BBS9: variants seen among roughly 807,000 people sequenced by gnomAD.
BBS9 encodes protein PTHB1.
BBS9 carries 89 observed loss-of-function variants against 117.7 expected under a neutral mutation model. The ratio of observed to expected loss-of-function variants is 0.76; its 90% CI spans 0.64 to 0.90. The LOEUF (loss-of-function observed/expected upper bound fraction) is 0.90, where lower values mean the gene tolerates loss of function less well. Ranked by LOEUF, BBS9 falls within the 40% of genes least tolerant of loss-of-function variation. The pLI, the probability that BBS9 is intolerant of heterozygous loss-of-function variation, is 0.00. For synonymous variants in BBS9, 379 were observed against 370.9 expected (o/e 1.02, Z -0.25); for missense variants, 982 against 1,042.2 (o/e 0.94, Z 0.80).
At chr7:33,457,237 A>G (rs1838783388) in intron 19 of BBS9, among the ~76,000 whole-genome samples, 1 of 152,184 alleles carries the variant, frequency 6.6e-6, no homozygotes, top group South Asian at 2.1e-4. Flanking sequence ...CAGCCTTATA[A>G]TACTGTGTGT....
chr7:33,498,797 A>C (rs1044814537), intron 19 of BBS9, among the ~76,000 whole-genome samples: 1 of 152,160 alleles, frequency 6.6e-6, no homozygotes, highest in African/African-American at 2.4e-5. Flanking sequence ...CTTTTTGGCT[A>C]TTATAAGTAA....
At chr7:33,323,667 T>C (rs760883460) in intron 9 of BBS9, among the ~76,000 whole-genome samples, 6 of 151,974 alleles carry the variant, frequency 3.9e-5, no homozygotes, top group Non-Finnish European at 8.8e-5. Context: ...CAGCTGATCA[T>C]TGGGTCTTTT....
rs555285546 is a variant in BBS9 at position 33,602,974 on chromosome 7, G to A, written c.2522-1891G>A. On this transcript the variant is annotated intron_variant, in intron 21 of 22. Coordinates refer to ENST00000242067, the MANE Select transcript of BBS9 (RefSeq NM_198428.3). The stretch of plus-strand genomic sequence containing the variant: ...AACTGGCTTTTCCTTTTGAGCCCAC[G>A]TGATAGAGAACTAGGAAGTCTTCTA... Among the ~76,000 whole-genome samples the A allele has an allele frequency of 3.9e-5, 6 of 152,304 alleles. No individual in the cohort carries two copies. The South Asian group carries it at 1.0e-3, about 26-fold the overall frequency.
intron 7 of BBS9, among the ~76,000 whole-genome samples, chr7:33,271,505 A>G (rs1038404979): frequency 6.6e-6 from 1 of 152,216 alleles, no homozygotes; most frequent in Admixed American, 6.5e-5. Flanking sequence ...GGCTCAAAAT[A>G]AAGAGATGAA....
chr7:33,314,029 T>C (rs1458307364), intron 9 of BBS9, among the ~76,000 whole-genome samples: 1 of 152,144 alleles, frequency 6.6e-6, no homozygotes, highest in African/African-American at 2.4e-5. Context: ...TGAAAGATGG[T>C]TATGTAAGAA....
intron 5 of BBS9, among the ~76,000 whole-genome samples, chr7:33,232,416 A>G (rs1423654381): frequency 1.3e-5 from 2 of 152,162 alleles, no homozygotes; most frequent in Non-Finnish European, 2.9e-5. Context: ...AGTACTGTTG[A>G]AAAATGTAGT....
chr7:33,459,985 G>A (rs1335108852), intron 19 of BBS9, among the ~76,000 whole-genome samples: 4 of 152,106 alleles, frequency 2.6e-5, no homozygotes, highest in Non-Finnish European at 5.9e-5. Context: ...AACATGGATT[G>A]TAAAATGTAT....
chr7:33,238,793 C>T (rs1793982089), intron 5 of BBS9, among the ~76,000 whole-genome samples: 1 of 151,924 alleles, frequency 6.6e-6, no homozygotes, highest in South Asian at 2.1e-4. Context: ...AATTTAAAGT[C>T]CTTTTCTCAC....
At chr7:33,332,654 G>A (rs922048043) in intron 9 of BBS9, among the ~76,000 whole-genome samples, 7 of 150,644 alleles carry the variant, frequency 4.6e-5, no homozygotes, top group Non-Finnish European at 1.0e-4. Flanking sequence ...TCCAGCCTGG[G>A]CAACAGAGCA....
At chr7:33,209,300 T>C (rs140468316) in intron 5 of BBS9, among the ~76,000 whole-genome samples, 465 of 152,330 alleles carry the variant, frequency 3.1e-3, no homozygotes, top group African/African-American at 0.011. Flanking sequence ...CTGAATAGTA[T>C]TCCATTGTAT....
chr7:33,156,720 G>C (rs556313181), intron 4 of BBS9, among the ~76,000 whole-genome samples: 4 of 152,232 alleles, frequency 2.6e-5, no homozygotes, highest in African/African-American at 9.6e-5. Context: ...ATTGACAGTG[G>C]CTTTCTTTAT....
intron 21 of BBS9, among the ~76,000 whole-genome samples, chr7:33,563,740 A>C (rs1466240841): frequency 1.3e-5 from 2 of 152,178 alleles, no homozygotes; most frequent in East Asian, 3.9e-4. Context: ...CTGTAGCTGC[A>C]ATGTGTATTG....
intron 5 of BBS9, among the ~76,000 whole-genome samples, chr7:33,213,031 A>G (rs1265153560): frequency 6.6e-6 from 1 of 151,906 alleles, no homozygotes; most frequent in Non-Finnish European, 1.5e-5. Context: ...TCCTATGTTC[A>G]CTCAAGGCCC....
At chr7:33,465,097 G>A (rs545274808) in intron 19 of BBS9, among the ~76,000 whole-genome samples, 1 of 151,822 alleles carries the variant, frequency 6.6e-6, no homozygotes, top group Non-Finnish European at 1.5e-5. Context: ...TAATAATTTT[G>A]TTGGTTCTTC....
At chr7:33,201,717 AT>A (rs11412956) in intron 5 of BBS9, among the ~76,000 whole-genome samples, 8 of 148,372 alleles carry the variant, frequency 5.4e-5, no homozygotes, top group African/African-American at 7.4e-5. Context: ...GTTTGGGGGC[AT>A]TTTTTTTTTA....
rs568333133 is a variant in BBS9, at chr7:33,536,098, A to G, written c.2521+1922A>G. ...AAAGAAGGAAAAGAAGGAAGGGAGA[A>G]AGAAATGAAAAGAAGAAAGATGGAC... is the stretch of plus-strand genomic sequence containing the variant. On this transcript the variant is annotated intron_variant, in intron 21 of 22. Transcript: ENST00000242067. Among the ~76,000 whole-genome samples the G allele has an allele frequency of 4.6e-5, 7 of 152,296 alleles. No individual in the cohort carries two copies. The South Asian group carries it at 1.5e-3, about 32-fold the overall frequency.
chr7:33,340,777 A>T (rs1445361027), intron 10 of BBS9, 120 bp from the exon 11 acceptor site: 1 of 755,746 alleles, frequency 1.3e-6, no homozygotes, highest in Non-Finnish European at 2.1e-6. Context: ...TAGTTTTTTC[A>T]ACTTGTGAGT....
intron 21 of BBS9, among the ~76,000 whole-genome samples, chr7:33,591,310 G>A (rs1563414278): frequency 6.6e-6 from 1 of 152,012 alleles, no homozygotes; most frequent in African/African-American, 2.4e-5. Flanking sequence ...TTATCACACA[G>A]GCTATAGAAT....
intron 16 of BBS9, among the ~76,000 whole-genome samples, chr7:33,365,878 G>A (rs1025244945): frequency 1.3e-5 from 2 of 152,316 alleles, no homozygotes; most frequent in African/African-American, 4.8e-5. Flanking sequence ...GTCCTCTATG[G>A]CAGGTGATGT....
Sources: gnomAD v4.1 joint callset for allele counts (sites outside exome capture counted in the v4.1 genomes callset) on GRCh38, gnomAD v4.1.1 for gene constraint, MANE v1.5 for transcripts, NCBI Gene and HGNC (gene_info 2026-07-23, HGNC 2026-07-21) for gene names.